SLCO1C1: variants seen among roughly 807,000 people sequenced by gnomAD.
The protein encoded by SLCO1C1 is solute carrier organic anion transporter family member 1C1, also known as OAT-RP-5.
In SLCO1C1, 70 loss-of-function variants were observed where a neutral mutation model predicts 76.4. The observed-to-expected ratio is 0.92, with a 90% CI of 0.76 to 1.12. The LOEUF is 1.12. SLCO1C1 is among the 50% of genes most tolerant of loss of function. The pLI is 0.00. For synonymous variants in SLCO1C1, 306 were observed against 286.1 expected, an observed-to-expected ratio of 1.07 and a Z score of -0.70; for missense variants, 912 against 823.8, an observed-to-expected ratio of 1.11 and a Z score of -1.31.
intron 5 of SLCO1C1, among the ~76,000 whole-genome samples, chr12:20,714,871 T>C (rs762458098): frequency 1.3e-5 from 2 of 151,972 alleles, no homozygotes; most frequent in Non-Finnish European, 2.9e-5. Context: ...AGGAATGAAA[T>C]GAGAAGAAGA....
chr12:20,737,039 AT>A, intron 10 of SLCO1C1, 67 bp from the exon 11 acceptor site: 1 of 1,335,184 alleles, frequency 7.5e-7, no homozygotes, highest in Non-Finnish European at 9.7e-7. Context: ...AAGAACATTG[AT>A]TTTTTGAAAA....
chr12:20,708,197 C>T (rs950679605), intron 4 of SLCO1C1, among the ~76,000 whole-genome samples: 7 of 151,884 alleles, frequency 4.6e-5, no homozygotes, highest in Admixed American at 1.3e-4. Flanking sequence ...CCTTAATGTC[C>T]GACAAAAGCT....
intron 14 of SLCO1C1, 165 bp downstream of exon 14, chr12:20,750,957 G>C: frequency 6.0e-6 from 8 of 1,336,702 alleles, no homozygotes; most frequent in Non-Finnish European, 8.2e-6. Context: ...ATTATTATTT[G>C]ATTAGATCTT....
In SLCO1C1 at chr12:20,752,364, G is replaced by T. The variant is rs1461695641; in HGVS notation, c.1975G>T (p.Ala659Ser). The T allele has an allele frequency of 2.5e-6, 4 of 1,613,316 alleles. No individual in the cohort carries two copies. The highest frequency in any genetic ancestry group is 3.4e-6 in the Non-Finnish European group (4 of 1,179,514). ...LGTVSILLSI[A>S]VLFILKKNYV... ...CACAGTGTCAATTCTCCTAAGCATT[G>T]CAGTACTTTTCATTTTAAAGAAAAA... The change falls in exon 15 of 15, where the codon GCA becomes TCA. Residue 659 changes from alanine to serine, a missense_variant. Ala to Ser is a moderately conservative substitution (Grantham distance 99). Coordinates refer to ENST00000266509, the MANE Select transcript of SLCO1C1 (RefSeq NM_017435.5).
intron 3 of SLCO1C1, 43 bp downstream of exon 3, chr12:20,701,502 CT>C: frequency 7.2e-7 from 1 of 1,396,156 alleles, no homozygotes; most frequent in Non-Finnish European, 9.5e-7. Context: ...AGCCCAAGAT[CT>C]TCTAGGTGTG....
chr12:20,709,882 C>T lies in SLCO1C1; in HGVS notation c.405-1504C>T, dbSNP rs1395022634. 8.0e-4 allele frequency among the ~76,000 whole-genome samples: 5 copies of T among 6,234 alleles called. 1 individual carries two copies. Among genetic ancestry groups the T allele is most frequent in the Non-Finnish European group, 1.5e-3 (4 of 2,630 alleles). 4.1% of individuals were successfully genotyped at this position (6,234 alleles called of 152,430 possible). On this transcript the variant is annotated intron_variant, in intron 4 of 14. Coordinates refer to ENST00000266509, the MANE Select transcript of SLCO1C1 (RefSeq NM_017435.5). ...CGACCTGGGCGACAGAGCGAGACTC[C>T]GTCTCAAAAAAAAAAAAAAAAAAAA...
chr12:20,751,612 T>C (rs916712915), intron 14 of SLCO1C1, among the ~76,000 whole-genome samples: 8 of 152,182 alleles, frequency 5.3e-5, no homozygotes, highest in African/African-American at 1.9e-4. Context: ...ACCCAATCTG[T>C]GAGTATAATT....
rs1012361716 is a variant in SLCO1C1, at chr12:20,727,127, G to A, written c.1186+3873G>A. On this transcript the variant is annotated intron_variant, in intron 9 of 14. Transcript: ENST00000266509. ...ACTGTTGATGGGTGACTGATTCCACGTTTTTGCTATTGTGAATAGAGCTGT... is the reference window on the plus strand; with the variant it reads ...ACTGTTGATGGGTGACTGATTCCACATTTTTGCTATTGTGAATAGAGCTGT... Among the ~76,000 whole-genome samples the A allele has an allele frequency of 5.3e-5, 8 of 152,116 alleles. 1 individual carries two copies. Among genetic ancestry groups the A allele is most frequent in the South Asian group, 4.2e-4 (2 of 4,818 alleles).
intron 13 of SLCO1C1, among the ~76,000 whole-genome samples, chr12:20,746,789 A>T (rs1032541980): frequency 6.6e-6 from 1 of 151,354 alleles, no homozygotes; most frequent in African/African-American, 2.4e-5. Flanking sequence ...AGAATGTGGC[A>T]TATCCTATGG....
At chr12:20,739,198 C>T (rs1948685312) in intron 11 of SLCO1C1, among the ~76,000 whole-genome samples, 1 of 152,072 alleles carries the variant, frequency 6.6e-6, no homozygotes, top group African/African-American at 2.4e-5. Flanking sequence ...TATCAAATGC[C>T]TAAAATGAGA....
At chr12:20,739,226 G>A (rs1948686683) in intron 11 of SLCO1C1, among the ~76,000 whole-genome samples, 1 of 152,064 alleles carries the variant, frequency 6.6e-6, no homozygotes, top group African/African-American at 2.4e-5. Context: ...CCATTCCCCA[G>A]TTGCATAATA....
chr12:20,703,359 C>T (rs751226148), intron 3 of SLCO1C1, among the ~76,000 whole-genome samples: 3 of 151,658 alleles, frequency 2.0e-5, no homozygotes, highest in Non-Finnish European at 4.4e-5. Context: ...GACAAATTGT[C>T]TAAAACAAAA....
At position 20,717,145 on chromosome 12, in the gene SLCO1C1, G is replaced by T. The variant is rs184790684; in HGVS notation, c.690G>T (p.Thr230=). ...NAAFYIGCVQ[T]VAIIGPIFGF... ...TTCTTGGTGCAGGGTGTGTGCAGACGGTTGCAATTATAGGACCAATCTTTG... is the reference window on the plus strand; with the variant it reads ...TTCTTGGTGCAGGGTGTGTGCAGACTGTTGCAATTATAGGACCAATCTTTG... Residue 230 remains threonine (T), a synonymous_variant, in exon 7 of 15, where the codon ACG becomes ACT. Transcript: ENST00000266509. The T allele has an allele frequency of 1.2e-5, 19 of 1,601,364 alleles. 1 individual carries two copies. In the South Asian group the frequency reaches 2.2e-4, roughly 18 times the overall value.
At chr12:20,708,483 G>C (rs141781079) in intron 4 of SLCO1C1, among the ~76,000 whole-genome samples, 127 of 152,250 alleles carry the variant, frequency 8.3e-4, no homozygotes, top group African/African-American at 3.0e-3. Flanking sequence ...AGACACATAA[G>C]GAGTATGTGT....
chr12:20,743,417 T>A (rs765859126), intron 13 of SLCO1C1, 48 bp downstream of exon 13: 2 of 1,435,304 alleles, frequency 1.4e-6, no homozygotes, highest in South Asian at 2.4e-5. Context: ...GTAAGTGTAT[T>A]TTGAAGACTT....
chr12:20,742,734 G>T (rs1162645697), intron 12 of SLCO1C1, among the ~76,000 whole-genome samples: 4 of 148,244 alleles, frequency 2.7e-5, no homozygotes, highest in African/African-American at 7.6e-5. Flanking sequence ...TAGAGACGGG[G>T]TTTCACCGTG....
At chr12:20,751,568 C>T (rs545646047) in intron 14 of SLCO1C1, among the ~76,000 whole-genome samples, 2 of 152,198 alleles carry the variant, frequency 1.3e-5, no homozygotes, top group South Asian at 4.1e-4. Context: ...GGTTTTGATG[C>T]TATGCGTGAA....
Position 20,706,095 on chromosome 12 carries a change from AATC to A in SLCO1C1, c.404+18_404+20del. The A allele has an allele frequency of 6.3e-7, 1 of 1,589,844 alleles. No individual in the cohort carries two copies. Among genetic ancestry groups the A allele is most frequent in the Admixed American group, 1.8e-5 (1 of 56,950 alleles). On this transcript the variant is annotated intron_variant, in intron 4 of 14. Coordinates refer to ENST00000266509, the MANE Select transcript of SLCO1C1 (RefSeq NM_017435.5). ...CTTCATGGAGCAGTAAGTCTAAAGC[AATC>A]ATCTTTTCCTTGCCTTTCCAAACAA...
intron 4 of SLCO1C1, 146 bp from the exon 5 acceptor site, chr12:20,711,240 G>C (rs534542218): frequency 1.1e-6 from 1 of 884,856 alleles, no homozygotes; most frequent in Non-Finnish European, 1.7e-6. Context: ...AAAATCTGCT[G>C]TTAAACACTG....
Sources: allele counts gnomAD v4.1 joint callset (sites outside exome capture counted in the v4.1 genomes callset), GRCh38; gene constraint gnomAD v4.1.1; transcripts MANE v1.5; gene names NCBI Gene and HGNC (gene_info 2026-07-23, HGNC 2026-07-21).